The following PCDHGB1 variants were observed in gnomAD, a reference collection of about 807,000 sequenced individuals.
The protein encoded by PCDHGB1 is protocadherin gamma subfamily B, 1.
Under a neutral mutation model 56.6 loss-of-function variants are expected in PCDHGB1, and 34 were observed. That is an observed-to-expected ratio of 0.60 (90% confidence interval 0.46 to 0.80). PCDHGB1 has a LOEUF of 0.80. PCDHGB1 is among the 30% of genes least tolerant of loss of function. The pLI is 0.00. For synonymous variants in PCDHGB1, 561 were observed against 505.9 expected (o/e 1.11, Z -1.46); for missense variants, 1,278 against 1,204.6 (o/e 1.06, Z -0.90).
In PCDHGB1 at chr5:141,486,184, A is replaced by G. The variant is rs2099625756; in HGVS notation, c.2410-8623A>G. 8 of 1,614,014 alleles carry G rather than the reference A, an allele frequency of 5.0e-6. No homozygotes were observed. Among genetic ancestry groups the G allele is most frequent in the Non-Finnish European group, 6.8e-6 (8 of 1,180,026 alleles). On this transcript the variant is annotated intron_variant, in intron 1 of 3. Transcript: ENST00000523390. This position sits in a 1 kb window ranked among gnomAD's most constrained non-coding sequence, Gnocchi z 5.0. ...CCATGGAGCAACATTGCAGCCTTCG[A>G]GTGGATCTGCTGGACGTAAATGACA...
intron 3 of PCDHGB1, among the ~76,000 whole-genome samples, chr5:141,507,856 A>T (rs1200072170): frequency 1.3e-5 from 2 of 151,926 alleles, no homozygotes; most frequent in Non-Finnish European, 2.9e-5. Flanking sequence ...TCTCACTTTC[A>T]CACCCGCTTC....
intron 1 of PCDHGB1, among the ~76,000 whole-genome samples, chr5:141,386,184 C>T (rs1402266173): frequency 6.6e-6 from 1 of 152,164 alleles, no homozygotes; most frequent in Non-Finnish European, 1.5e-5. Context: ...ATCTTATGTA[C>T]ACAGATCCTA....
At chr5:141,389,887 A>G (rs1473090410) in intron 1 of PCDHGB1, 2 of 1,613,940 alleles carry the variant, frequency 1.2e-6, no homozygotes, top group East Asian at 2.2e-5. Context: ...AGCTTGCAGG[A>G]GGTGCTGCCG....
chr5:141,384,354 C>T (rs1437330360), intron 1 of PCDHGB1: 13 of 1,613,844 alleles, frequency 8.1e-6, no homozygotes, highest in Non-Finnish European at 1.0e-5. Context: ...AGGATAATGC[C>T]CAGATCACTT....
chr5:141,414,867 C>T (rs2095797355), intron 1 of PCDHGB1: 9 of 1,614,230 alleles, frequency 5.6e-6, no homozygotes, highest in South Asian at 1.1e-5. Flanking sequence ...ACAATGCGCC[C>T]GAGATCCTGT....
intron 1 of PCDHGB1, among the ~76,000 whole-genome samples, chr5:141,436,350 C>T (rs1034303123): frequency 5.9e-5 from 9 of 152,126 alleles, no homozygotes; most frequent in Non-Finnish European, 1.3e-4. Flanking sequence ...TCAGTGACTT[C>T]AATCAACTAT....
chr5:141,403,069 A>G (rs747569947), intron 1 of PCDHGB1: 3 of 1,613,954 alleles, frequency 1.9e-6, no homozygotes, highest in African/African-American at 2.7e-5. Flanking sequence ...CTGAAGAGAC[A>G]GAAAAGGGCT....
At chr5:141,469,362 G>GT (rs1212141268) in intron 1 of PCDHGB1, among the ~76,000 whole-genome samples, 4 of 152,084 alleles carry the variant, frequency 2.6e-5, no homozygotes, top group Non-Finnish European at 5.9e-5. Flanking sequence ...GGATCATGAG[G>GT]TAAAGAGATC....
chr5:141,403,415 C>A, intron 1 of PCDHGB1: 1 of 1,614,046 alleles, frequency 6.2e-7, no homozygotes, highest in East Asian at 2.2e-5. Context: ...TTATCCACTT[C>A]CAGAAGCTAT....
Position 141,408,343 on chromosome 5 carries a change from G to A in PCDHGB1, c.2409+55674G>A, listed in dbSNP as rs780878986. On this transcript the variant is annotated intron_variant, in intron 1 of 3. Transcript: ENST00000523390. Reference sequence around the variant, plus strand: ...AGGAGCTGGCCAAGGGCTCGGTGGTGGGGAACCTCGCTAAGGATCTAGGGC... The same window carrying A: ...AGGAGCTGGCCAAGGGCTCGGTGGTAGGGAACCTCGCTAAGGATCTAGGGC... The A allele has an allele frequency of 1.9e-6, 3 of 1,613,924 alleles. No individual in the cohort carries two copies. In the South Asian group the frequency reaches 3.3e-5, roughly 18 times the overall value.
chr5:141,351,338 A>T lies in PCDHGB1; in HGVS notation c.1078A>T (p.Thr360Ser). The T allele has an allele frequency of 1.2e-6, 2 of 1,613,576 alleles. No individual in the cohort carries two copies. The highest frequency in any genetic ancestry group is 1.7e-6 in the Non-Finnish European group (2 of 1,179,686). The change falls in exon 1 of 4, where the codon ACT becomes TCT. Residue 360 changes from threonine (T) to serine (S), a missense_variant. Transcript: ENST00000523390. ...GATTCCAGAGGATTCAGACCTTGGA[A>T]CTGTAATAGCCCTCATAAAAGTGCG... ...NQIPEDSDLG[T>S]VIALIKVRDK...
intron 1 of PCDHGB1, among the ~76,000 whole-genome samples, chr5:141,448,287 C>G (rs1394399947): frequency 6.6e-6 from 1 of 152,130 alleles, no homozygotes; most frequent in Non-Finnish European, 1.5e-5. Flanking sequence ...GCAACTTGCT[C>G]TTTCCACTTA....
chr5:141,468,300 G>C (rs2099162063), intron 1 of PCDHGB1, among the ~76,000 whole-genome samples: 1 of 146,430 alleles, frequency 6.8e-6, no homozygotes, highest in Non-Finnish European at 1.5e-5. Flanking sequence ...ACCCCAGCCT[G>C]GGCAACAAGA....
intron 1 of PCDHGB1, chr5:141,409,281 C>A (rs1238898498): frequency 6.2e-7 from 1 of 1,613,874 alleles, no homozygotes; most frequent in Non-Finnish European, 8.5e-7. Flanking sequence ...TTGGAGAATT[C>A]ACCTCCAGGA....
intron 1 of PCDHGB1, chr5:141,376,026 A>T: frequency 6.2e-7 from 1 of 1,613,128 alleles, no homozygotes; most frequent in African/African-American, 1.3e-5. Context: ...GCCGTCCAGG[A>T]CCACGGCCAG....
At position 141,352,597 on chromosome 5, in the gene PCDHGB1, T is replaced by C; in HGVS notation, c.2337T>C (p.Asp779=). 1.9e-6 allele frequency: 3 copies of C among 1,613,558 alleles called. No homozygotes were observed. Among genetic ancestry groups the C allele is most frequent in the Non-Finnish European group, 1.7e-6 (2 of 1,179,564 alleles). ...EMAPPQDLLC[D]DPSMVVCASN... is the part of the protein sequence containing the mutation. ...CTCCCCCTCAGGATCTGCTGTGTGA[T>C]GATCCTTCTATGGTTGTATGTGCCA... is the stretch of plus-strand genomic sequence containing the variant. Residue 779 remains aspartate, a synonymous_variant, in exon 1 of 4, where the codon GAT becomes GAC. Coordinates refer to ENST00000523390, the MANE Select transcript of PCDHGB1 (RefSeq NM_018922.3).
chr5:141,419,121 C>T, intron 1 of PCDHGB1: 5 of 1,613,882 alleles, frequency 3.1e-6, no homozygotes, highest in Non-Finnish European at 3.4e-6. Flanking sequence ...TACAACGTCA[C>T]CATCGCAGCC....
chr5:141,460,961 ATG>A (rs35821115), intron 1 of PCDHGB1, among the ~76,000 whole-genome samples: 22,194 of 144,260 alleles, frequency 0.15, 1,877 homozygotes, highest in South Asian at 0.27. Context: ...GTATATATAT[ATG>A]TGTGTGTGTG....
rs116187844 is a variant in PCDHGB1, at chr5:141,424,198, C to T, written c.2410-70609C>T. The T allele has an allele frequency of 8.5e-3, 1,543 of 182,010 alleles. 28 individuals are homozygous for T. Among genetic ancestry groups the T allele is most frequent in the African/African-American group, 0.035 (1,445 of 41,852 alleles). The allele number at this position is 182,010 out of a possible 1,614,324, so 11.3% of individuals were successfully genotyped here. ...ATACACATGCACACACACTTATACA[C>T]GTAAGCTTTTCTCTGAGCAATTTTA... On this transcript the variant is annotated intron_variant, in intron 1 of 3. Coordinates refer to ENST00000523390, the MANE Select transcript of PCDHGB1 (RefSeq NM_018922.3).
Sources: allele counts gnomAD v4.1 joint callset (sites outside exome capture counted in the v4.1 genomes callset), GRCh38; gene constraint gnomAD v4.1.1; non-coding constraint Gnocchi (gnomAD v3.1); transcripts MANE v1.5; gene names NCBI Gene and HGNC (gene_info 2026-07-23, HGNC 2026-07-21).